The following CSGALNACT1 variants were observed in gnomAD, a reference collection of about 807,000 sequenced individuals.
CSGALNACT1 encodes the protein beta4GalNAcT-1.
A neutral mutation model predicts 51.0 loss-of-function variants in CSGALNACT1; 52 were observed. The observed-to-expected ratio is 1.02, with a 90% confidence interval of 0.82 to 1.29. CSGALNACT1 has a LOEUF of 1.29. CSGALNACT1 is among the 50% of genes most tolerant of loss of function. The pLI is 0.00. For synonymous variants in CSGALNACT1, 341 were observed against 254.4 expected, an observed-to-expected ratio of 1.34 and a Z score of -3.24; for missense variants, 935 against 679.2, an observed-to-expected ratio of 1.38 and a Z score of -4.19.
At chr8:19,664,876 G>T (rs952758235) in intron 1 of CSGALNACT1, among the ~76,000 whole-genome samples, 2 of 152,176 alleles carry the variant, frequency 1.3e-5, no homozygotes, top group South Asian at 4.1e-4. Context: ...ATAGACATTG[G>T]AGATTACTAA....
At chr8:19,504,694 G>C (rs752658547) in intron 4 of CSGALNACT1, among the ~76,000 whole-genome samples, 1 of 152,184 alleles carries the variant, frequency 6.6e-6, no homozygotes, top group South Asian at 2.1e-4. Context: ...TTCAAATCCT[G>C]GTTCTGTCAC....
At chr8:19,595,120 A>G (rs1019454609) in intron 2 of CSGALNACT1, among the ~76,000 whole-genome samples, 1 of 152,200 alleles carries the variant, frequency 6.6e-6, no homozygotes, top group Non-Finnish European at 1.5e-5. Flanking sequence ...TGTACCTAAG[A>G]ATCCTAAATA....
At chr8:19,676,101 C>CAA (rs1255611611) in intron 1 of CSGALNACT1, among the ~76,000 whole-genome samples, 6 of 128,078 alleles carry the variant, frequency 4.7e-5, no homozygotes, top group Admixed American at 8.1e-5. Flanking sequence ...CAAAACAAAA[C>CAA]AAAAAAAACT....
chr8:19,495,292 T>A (rs2075255303), intron 4 of CSGALNACT1: 1 of 152,226 alleles, frequency 6.6e-6, no homozygotes, highest in African/African-American at 2.4e-5. Flanking sequence ...AGGGAGGCAG[T>A]CCTCTATTTA....
intron 4 of CSGALNACT1, among the ~76,000 whole-genome samples, chr8:19,467,033 T>A (rs1042210741): frequency 5.7e-4 from 87 of 152,096 alleles, no homozygotes; most frequent in Non-Finnish European, 1.3e-4. Flanking sequence ...ATCCAGTATC[T>A]GGTTCCTAAT....
chr8:19,519,792 G>A (rs1402214886), intron 3 of CSGALNACT1, among the ~76,000 whole-genome samples: 1 of 152,124 alleles, frequency 6.6e-6, no homozygotes, highest in Non-Finnish European at 1.5e-5. Context: ...CTTCTCCCAG[G>A]GGTGGCATTC....
intron 3 of CSGALNACT1, among the ~76,000 whole-genome samples, chr8:19,524,615 C>G (rs1033760368): frequency 1.3e-5 from 2 of 151,850 alleles, no homozygotes; most frequent in Non-Finnish European, 2.9e-5. Flanking sequence ...TAATGAGTCT[C>G]AAGATTGATA....
chr8:19,694,022 T>A (rs1361984378), intron 1 of CSGALNACT1, among the ~76,000 whole-genome samples: 3 of 152,192 alleles, frequency 2.0e-5, no homozygotes, highest in Non-Finnish European at 4.4e-5. Flanking sequence ...TATCATCAAA[T>A]ACAGCAATTT....
intron 1 of CSGALNACT1, among the ~76,000 whole-genome samples, chr8:19,706,526 A>G (rs981493668): frequency 1.3e-5 from 2 of 152,212 alleles, no homozygotes; most frequent in African/African-American, 4.8e-5. Context: ...TCCTAGCCCC[A>G]AGTCCACAAA....
chr8:19,511,088 T>C (rs565367764), intron 3 of CSGALNACT1, among the ~76,000 whole-genome samples: 4 of 152,316 alleles, frequency 2.6e-5, no homozygotes, highest in Non-Finnish European at 5.9e-5. Context: ...TGACACGCTG[T>C]CAGGGTCAGC....
intron 3 of CSGALNACT1, among the ~76,000 whole-genome samples, chr8:19,521,074 G>T (rs559545321): frequency 1.3e-5 from 2 of 152,208 alleles, no homozygotes; most frequent in South Asian, 4.1e-4. Flanking sequence ...GGTGTGCGGG[G>T]AGACATCATA....
chr8:19,498,148 C>G (rs540355494), intron 4 of CSGALNACT1, among the ~76,000 whole-genome samples: 12 of 152,172 alleles, frequency 7.9e-5, no homozygotes, highest in Non-Finnish European at 1.6e-4. Flanking sequence ...AGACCTGTCT[C>G]AGAATTGTGG....
intron 4 of CSGALNACT1, among the ~76,000 whole-genome samples, chr8:19,480,644 A>G (rs2071109885): frequency 6.6e-6 from 1 of 152,198 alleles, no homozygotes. Flanking sequence ...AAACCTAGCA[A>G]AGAGCATAGT....
chr8:19,414,094 A>T (rs2056411271), intron 8 of CSGALNACT1, among the ~76,000 whole-genome samples: 1 of 152,172 alleles, frequency 6.6e-6, no homozygotes, highest in Non-Finnish European at 1.5e-5. Flanking sequence ...GTAGCCTGAA[A>T]TAGGCCACGG....
At chr8:19,717,615 T>A (rs17091012) in intron 1 of CSGALNACT1, among the ~76,000 whole-genome samples, 2,768 of 152,248 alleles carry the variant, frequency 0.018, 92 homozygotes, top group African/African-American at 0.064. Context: ...GACATTAAGA[T>A]AGAATCAAAC....
intron 3 of CSGALNACT1, among the ~76,000 whole-genome samples, chr8:19,560,899 A>C (rs1301012537): frequency 2.0e-5 from 3 of 152,214 alleles, no homozygotes; most frequent in Non-Finnish European, 4.4e-5. Context: ...TAACAACCCT[A>C]AGGTGGATAA....
chr8:19,666,295 T>C (rs1476554147), intron 1 of CSGALNACT1, among the ~76,000 whole-genome samples: 1 of 152,202 alleles, frequency 6.6e-6, no homozygotes, highest in Admixed American at 6.5e-5. Context: ...ACTAGAGGAA[T>C]AGAAGCCCAG....
At chr8:19,748,859 G>A (rs879711849) in intron 1 of CSGALNACT1, among the ~76,000 whole-genome samples, 1 of 151,962 alleles carries the variant, frequency 6.6e-6, no homozygotes, top group Non-Finnish European at 1.5e-5. Context: ...CAGCTACTTG[G>A]GAGACTGAGG....
chr8:19,725,214 G>A (rs922085652), intron 1 of CSGALNACT1, among the ~76,000 whole-genome samples: 1 of 152,186 alleles, frequency 6.6e-6, no homozygotes, highest in African/African-American at 2.4e-5. Context: ...CTAAGCCTTG[G>A]CGAGCGCTTT....
Sources: gnomAD v4.1 joint callset for allele counts (sites outside exome capture counted in the v4.1 genomes callset) on GRCh38, gnomAD v4.1.1 for gene constraint, MANE v1.5 for transcripts, NCBI Gene and HGNC (gene_info 2026-07-23, HGNC 2026-07-21) for gene names.